Variants in TBXAS1 observed in about 807,000 individuals in gnomAD.
The protein encoded by TBXAS1 is thromboxane-A synthase.
TBXAS1 carries 48 observed loss-of-function variants against 60.7 expected under a neutral mutation model. The ratio of observed to expected loss-of-function variants is 0.79; its 90% CI spans 0.63 to 1.01. TBXAS1 has a LOEUF of 1.01. Ranked by LOEUF, TBXAS1 falls within the 50% of genes least tolerant of loss-of-function variation. TBXAS1 has a pLI of 0.00. For missense variants in TBXAS1, 685 were observed against 686.3 expected (o/e 1.00, Z 0.02); for synonymous variants, 287 against 269.7 (o/e 1.06, Z -0.63).
chr7:139,958,829 C>A (rs1002316775), intron 8 of TBXAS1, among the ~76,000 whole-genome samples: 5 of 152,198 alleles, frequency 3.3e-5, no homozygotes. Context: ...CTTGGAGGTG[C>A]GGGAAGAAGC....
chr7:139,871,972 A>G (rs1359450570), intron 1 of TBXAS1, among the ~76,000 whole-genome samples: 1 of 152,186 alleles, frequency 6.6e-6, no homozygotes, highest in Non-Finnish European at 1.5e-5. Flanking sequence ...GGGCAGTTGG[A>G]CTACATCATC....
intron 3 of TBXAS1, among the ~76,000 whole-genome samples, chr7:139,907,801 A>G (rs146153161): frequency 6.6e-6 from 1 of 152,256 alleles, no homozygotes; most frequent in African/African-American, 2.4e-5. Context: ...ATGAATAATT[A>G]AATTTTGAAA....
At chr7:139,866,780 G>A (rs1343421695) in intron 1 of TBXAS1, among the ~76,000 whole-genome samples, 1 of 151,564 alleles carries the variant, frequency 6.6e-6, no homozygotes, top group African/African-American at 2.4e-5. Flanking sequence ...AGAAAAAGTA[G>A]AGACATAGGA....
intron 4 of TBXAS1, among the ~76,000 whole-genome samples, chr7:139,930,463 TAG>T (rs2117155645): frequency 6.6e-6 from 1 of 152,270 alleles, no homozygotes; most frequent in South Asian, 2.1e-4. Flanking sequence ...TGAGAAACTG[TAG>T]AGAGGTCAAA....
chr7:139,984,637 A>G (rs931264555), intron 9 of TBXAS1, among the ~76,000 whole-genome samples: 6 of 128,534 alleles, frequency 4.7e-5, no homozygotes, highest in Admixed American at 1.7e-4. Flanking sequence ...AGAGAGAGAG[A>G]GAGAGAAAGA....
chr7:139,876,905 G>C (rs1419632950), intron 3 of TBXAS1, among the ~76,000 whole-genome samples: 2 of 152,286 alleles, frequency 1.3e-5, no homozygotes, highest in Middle Eastern at 3.4e-3. Context: ...TGCTGGGGAG[G>C]ACCTCATGTG....
chr7:139,933,547 C>A (rs1299350052), intron 4 of TBXAS1, among the ~76,000 whole-genome samples: 4 of 152,122 alleles, frequency 2.6e-5, no homozygotes, highest in African/African-American at 9.7e-5. Flanking sequence ...ATGGCGCTCC[C>A]AAAGAATTTC....
intron 10 of TBXAS1, among the ~76,000 whole-genome samples, chr7:140,011,255 C>T (rs368966905): frequency 2.5e-4 from 36 of 144,954 alleles, no homozygotes; most frequent in African/African-American, 7.0e-4. Flanking sequence ...CCACCCTGGG[C>T]GGCAGAGCGA....
chr7:139,921,129 G>A (rs971358688), intron 4 of TBXAS1, among the ~76,000 whole-genome samples: 1 of 152,016 alleles, frequency 6.6e-6, no homozygotes. Flanking sequence ...AACCTTGAGT[G>A]TAAAGCTCAA....
chr7:139,921,076 T>C (rs1364908624), intron 4 of TBXAS1, among the ~76,000 whole-genome samples: 1 of 152,214 alleles, frequency 6.6e-6, no homozygotes, highest in Non-Finnish European at 1.5e-5. Context: ...AAATGTTTAT[T>C]ATTCCTTAGT....
upstream of TBXAS1, among the ~76,000 whole-genome samples, chr7:139,827,325 C>A (rs999966676): frequency 2.0e-4 from 31 of 152,288 alleles, no homozygotes; most frequent in African/African-American, 7.2e-4. Flanking sequence ...CTTTTTCCAC[C>A]CCTTTACTTT....
intron 1 of TBXAS1, among the ~76,000 whole-genome samples, chr7:139,853,230 C>T (rs1475686202): frequency 1.3e-5 from 2 of 152,152 alleles, no homozygotes; most frequent in Admixed American, 6.5e-5. Context: ...TCTGCCTTTT[C>T]ACAGGGGACT....
At chr7:139,893,224 C>T (rs1348974570) in intron 3 of TBXAS1, among the ~76,000 whole-genome samples, 1 of 151,994 alleles carries the variant, frequency 6.6e-6, no homozygotes, top group Admixed American at 6.6e-5. Context: ...AGCTTTTTCC[C>T]AGACCGTGTA....
chr7:139,904,295 A>G (rs911397281), intron 3 of TBXAS1, among the ~76,000 whole-genome samples: 5 of 151,950 alleles, frequency 3.3e-5, no homozygotes, highest in Admixed American at 6.5e-5. Context: ...ATTCTCTTCC[A>G]TTGGTCTATA....
intron 1 of TBXAS1, among the ~76,000 whole-genome samples, chr7:139,854,537 GGGA>G (rs1448608139): frequency 2.6e-5 from 4 of 152,172 alleles, no homozygotes; most frequent in Non-Finnish European, 5.9e-5. Flanking sequence ...GCTAGAGGCT[GGGA>G]GGCCAGTTCA....
chr7:139,783,351 C>CAAA lies in TBXAS1; in HGVS notation c.-169+634_-169+636dup, dbSNP rs112605966. On this transcript the variant is annotated intron_variant, in intron 3 of 16. Transcript: ENST00000336425. ...AGCATTGAGCAGAAAGGAAATATGG[C>CAAA]AAAAAAAAAAAAAATGCAATCAGCC... Among the ~76,000 whole-genome samples, 148 of 136,848 alleles carry CAAA rather than the reference C, an allele frequency of 1.1e-3. 1 individual carries two copies. The highest frequency in any genetic ancestry group is 3.3e-3 in the African/African-American group (122 of 37,388). The allele number at this position is 136,848 out of a possible 152,430, so 89.8% of individuals were successfully genotyped here. A position where few individuals can be genotyped will look rare whatever the true frequency, so the allele number is the denominator to read the frequency against.
upstream of TBXAS1, among the ~76,000 whole-genome samples, chr7:139,826,369 G>A (rs1244898444): frequency 1.3e-5 from 2 of 152,134 alleles, no homozygotes; most frequent in Non-Finnish European, 2.9e-5. Context: ...GTGCAGTTGG[G>A]GGACACTAAG....
At chr7:139,838,433 T>C (rs996330742) in intron 1 of TBXAS1, among the ~76,000 whole-genome samples, 3 of 152,234 alleles carry the variant, frequency 2.0e-5, no homozygotes, top group African/African-American at 7.2e-5. Context: ...TCTCTTGGCC[T>C]TCACAGTTCC....
At chr7:139,849,586 C>G (rs41707) in intron 1 of TBXAS1, among the ~76,000 whole-genome samples, 1 of 151,662 alleles carries the variant, frequency 6.6e-6, no homozygotes, top group East Asian at 1.9e-4. Context: ...AACCTGGGGA[C>G]GTACCTAGGA....
Sources: allele counts gnomAD v4.1 joint callset (sites outside exome capture counted in the v4.1 genomes callset), GRCh38; gene constraint gnomAD v4.1.1; transcripts MANE v1.5; gene names NCBI Gene and HGNC (gene_info 2026-07-23, HGNC 2026-07-21).